The following AFMID variants were observed in gnomAD, a reference collection of about 807,000 sequenced individuals.
AFMID encodes the protein kynurenine formamidase.
In AFMID, 39 loss-of-function variants were observed where a neutral mutation model predicts 47.5. The observed-to-expected ratio is 0.82, with a 90% CI of 0.64 to 1.07. The LOEUF (loss-of-function observed/expected upper bound fraction) is 1.07. Among genes scored for constraint, AFMID ranks in the 50% least tolerant of loss-of-function variants. The pLI, the probability that AFMID is intolerant of heterozygous loss-of-function variation, is 0.00. For synonymous variants in AFMID, 130 were observed against 153.2 expected, an observed-to-expected ratio of 0.85 and a Z score of 1.12; for missense variants, 375 against 387.5, an observed-to-expected ratio of 0.97 and a Z score of 0.27.
At chr17:78,189,710 G>C (rs1362337044) in intron 1 of AFMID, among the ~76,000 whole-genome samples, 1 of 143,296 alleles carries the variant, frequency 7.0e-6, no homozygotes, top group East Asian at 1.9e-4. Flanking sequence ...CGTAGAGATA[G>C]TGTTTCGCCA....
At chr17:78,195,356 G>A (rs772515360) in intron 2 of AFMID, among the ~76,000 whole-genome samples, 2 of 150,892 alleles carry the variant, frequency 1.3e-5, no homozygotes, top group East Asian at 2.0e-4. Flanking sequence ...CACCACGCCC[G>A]GCTAATTTTT....
intron 4 of AFMID, chr17:78,203,057 T>A: frequency 2.1e-5 from 1 of 47,624 alleles, no homozygotes; most frequent in Non-Finnish European, 3.8e-5. Flanking sequence ...TCCTCTCTCT[T>A]TTTTTTTTTT....
chr17:78,202,403 TG>T, intron 2 of AFMID, 95 bp from the exon 3 acceptor site: 1 of 1,247,476 alleles, frequency 8.0e-7, no homozygotes, highest in South Asian at 1.3e-5. Flanking sequence ...CACTCCAGCT[TG>T]GGCAACAGAG....
intron 4 of AFMID, 69 bp downstream of exon 4, chr17:78,202,820 G>A: frequency 6.5e-7 from 1 of 1,535,670 alleles, no homozygotes; most frequent in Admixed American, 2.0e-5. Context: ...TCCTCCTCCA[G>A]GGCTGCCGCA....
At chr17:78,189,758 G>A (rs1020766300) in intron 1 of AFMID, among the ~76,000 whole-genome samples, 2 of 151,316 alleles carry the variant, frequency 1.3e-5, no homozygotes, top group African/African-American at 4.9e-5. Flanking sequence ...GGACTCAAGT[G>A]ATCTGCCTAT....
At chr17:78,205,272 T>G in intron 7 of AFMID, 82 bp downstream of exon 7, 2 of 1,485,164 alleles carry the variant, frequency 1.3e-6, no homozygotes, top group East Asian at 4.5e-5. Flanking sequence ...CTTGAAATCC[T>G]CCCGGCCATG....
At chr17:78,205,848 A>G in intron 9 of AFMID, 98 bp from the exon 10 acceptor site, 1 of 1,593,864 alleles carries the variant, frequency 6.3e-7, no homozygotes, top group African/African-American at 1.3e-5. Context: ...TTTAACACGT[A>G]CTGAGTGAAC....
rs2075823602 is a variant in AFMID at position 78,187,425 on chromosome 17, T to C, written c.55T>C (p.Ser19Pro). 2 of 1,613,786 alleles carry C rather than the reference T, an allele frequency of 1.2e-6. No individual in the cohort carries two copies. Among genetic ancestry groups the C allele is most frequent in the African/African-American group, 2.7e-5 (2 of 74,894 alleles). The change falls in exon 1 of 11, where the codon TCT (serine) becomes CCT (proline). Residue 19 changes from serine to proline, a missense_variant. Coordinates refer to ENST00000409257, the MANE Select transcript of AFMID (RefSeq NM_001010982.5). The stretch of plus-strand genomic sequence containing the variant: ...AAGCAAGGTTCCTTGGAAGAAGATG[T>C]CTGCAGAGGTAGGTGGATTGCAGGG... Reference protein sequence around the residue: ...FPSKVPWKKMSAEELENQYCP... With the variant: ...FPSKVPWKKMPAEELENQYCP...
chr17:78,205,385 G>A, intron 7 of AFMID, 55 bp from the exon 8 acceptor site: 1 of 1,595,984 alleles, frequency 6.3e-7, no homozygotes, highest in South Asian at 1.1e-5. Flanking sequence ...GGGTGGGCTG[G>A]CCCTGCCTTG....
Position 78,193,370 on chromosome 17 carries a change from C to CAA in AFMID, c.154+2337_154+2338dup, listed in dbSNP as rs199993168. Reference sequence around the variant, plus strand: ...TGGGCGACAGAGCGAGACTCTGTCTCAAAAAAAAAAAAAAAAAAAAAAAAA... The same window carrying CAA: ...TGGGCGACAGAGCGAGACTCTGTCTCAAAAAAAAAAAAAAAAAAAAAAAAAAA... On this transcript the variant is annotated intron_variant, in intron 2 of 10. Transcript: ENST00000409257. Among the ~76,000 whole-genome samples the CAA allele has an allele frequency of 3.9e-4, 27 of 68,942 alleles. 1 individual carries two copies. The highest frequency in any genetic ancestry group is 3.3e-3 in the South Asian group (6 of 1,826). 45.2% of individuals were successfully genotyped at this position (68,942 alleles called of 152,430 possible). A position where few individuals can be genotyped will look rare whatever the true frequency, so the allele number is the denominator to read the frequency against.
chr17:78,193,619 C>G (rs1023100909), intron 2 of AFMID, among the ~76,000 whole-genome samples: 1 of 150,630 alleles, frequency 6.6e-6, no homozygotes, highest in Admixed American at 6.6e-5. Flanking sequence ...GGTCAAAGCA[C>G]GAGGATCCTT....
Position 78,207,273 on chromosome 17 carries a change from CTTTTTTTTTT to C in AFMID, c.*355_*364del, listed in dbSNP as rs1163959276. 3.5e-5 allele frequency: 3 copies of C among 85,438 alleles called. No individual in the cohort carries two copies. Among genetic ancestry groups the C allele is most frequent in the Non-Finnish European group, 5.9e-5 (3 of 51,150 alleles). 5.3% of individuals were successfully genotyped at this position (85,438 alleles called of 1,614,324 possible). ...ACGCTCAAAAGTAATGCCATTACTTCTTTTTTTTTTTTTTTTTTTTTTTTTTTTGAGATGG... is the reference window on the plus strand; with the variant it reads ...ACGCTCAAAAGTAATGCCATTACTTCTTTTTTTTTTTTTTTTTTGAGATGG... On this transcript the variant is annotated 3_prime_UTR_variant, in exon 11 of 11. Coordinates refer to ENST00000409257, the MANE Select transcript of AFMID (RefSeq NM_001010982.5).
chr17:78,204,789 G>A (rs993043575), intron 5 of AFMID, 39 bp from the exon 6 acceptor site: 4 of 1,614,090 alleles, frequency 2.5e-6, no homozygotes, highest in African/African-American at 2.7e-5. Context: ...GGCTTTAGGA[G>A]GAAGTGCATC....
chr17:78,205,167 A>G lies in AFMID; in HGVS notation c.542A>G (p.His181Arg), dbSNP rs561712629. Residue 181 changes from histidine (H) to arginine (R), a missense_variant, in exon 7 of 11, where the codon CAT becomes CGT. Coordinates refer to ENST00000409257, the MANE Select transcript of AFMID (RefSeq NM_001010982.5). ...ATGCTCCTGGCCGACTGGACCAAGC[A>G]TGGGGTCACGCCCAACCTCAGAGGT... ...AMMLLADWTK[H>R]GVTPNLRGFF... 11 of 1,612,434 alleles carry G rather than the reference A, an allele frequency of 6.8e-6. No homozygotes were observed. Among genetic ancestry groups the G allele is most frequent in the Non-Finnish European group, 9.3e-6 (11 of 1,179,436 alleles).
intron 4 of AFMID, 47 bp from the exon 5 acceptor site, chr17:78,204,609 G>A (rs771159009): frequency 1.9e-5 from 30 of 1,586,460 alleles, no homozygotes; most frequent in South Asian, 7.7e-5. Flanking sequence ...AGGAAGCAGC[G>A]TAGTGGCCAA....
chr17:78,203,862 A>G (rs1279748106), intron 4 of AFMID: 1 of 152,008 alleles, frequency 6.6e-6, no homozygotes, highest in Non-Finnish European at 1.5e-5. Context: ...TGTCTCTACT[A>G]AAAATACAAA....
rs765791452 is a variant in AFMID at position 78,207,046 on chromosome 17, G to C, written c.*109G>C. On this transcript the variant is annotated 3_prime_UTR_variant, in exon 11 of 11. Coordinates refer to ENST00000409257, the MANE Select transcript of AFMID (RefSeq NM_001010982.5). ...CTTCAGTTTCCCCCAGCACCCAGGA[G>C]AGCCTTGCTGTGTCTGTCTGCCCGG... 2.6e-5 allele frequency: 31 copies of C among 1,201,278 alleles called. No individual in the cohort carries two copies. Among genetic ancestry groups the C allele is most frequent in the Non-Finnish European group, 3.8e-5 (31 of 809,062 alleles). The allele number at this position is 1,201,278 out of a possible 1,614,324, so 74.4% of individuals were successfully genotyped here. A position where few individuals can be genotyped will look rare whatever the true frequency, so the allele number is the denominator to read the frequency against.
Position 78,187,404 on chromosome 17 carries a change from A to AAGGT in AFMID, c.35_38dup (p.Pro14GlyfsTer39), listed in dbSNP as rs1244143194. 1 of 1,613,874 alleles carries AAGGT rather than the reference A, an allele frequency of 6.2e-7. No individual in the cohort carries two copies. On this transcript the variant is annotated frameshift_variant, in exon 1 of 11. Transcript: ENST00000409257. LOFTEE classifies it high-confidence loss of function. ...TGTGTCTGGTGTGGGTTTCCCAAGC[A>AAGGT]AGGTTCCTTGGAAGAAGATGTCTGC... is the stretch of plus-strand genomic sequence containing the variant.
chr17:78,187,560 C>A, intron 1 of AFMID, 127 bp downstream of exon 1: 1 of 923,008 alleles, frequency 1.1e-6, no homozygotes, highest in Non-Finnish European at 1.7e-6. Context: ...GCGCCTAGTG[C>A]GTGCCAGGTC....
Sources: allele counts gnomAD v4.1 joint callset (sites outside exome capture counted in the v4.1 genomes callset), GRCh38; gene constraint gnomAD v4.1.1; transcripts MANE v1.5; gene names NCBI Gene and HGNC (gene_info 2026-07-23, HGNC 2026-07-21).